ARID1B: variants seen among roughly 807,000 people sequenced by gnomAD.
The protein encoded by ARID1B is AT-rich interaction domain 1B.
A neutral mutation model predicts 212.3 loss-of-function variants in ARID1B; 30 were observed. The ratio of observed to expected loss-of-function variants is 0.14; its 90% confidence interval spans 0.11 to 0.19. ARID1B has a LOEUF of 0.19. Ranked by LOEUF, ARID1B falls within the 10% of genes least tolerant of loss-of-function variation. The pLI is 1.00. For synonymous variants in ARID1B, 1,402 were observed against 1,301.7 expected (o/e 1.08, Z -1.66); for missense variants, 2,891 against 3,204.0 (o/e 0.90, Z 2.36).
chr6:157,028,263 A>G (rs760536297), intron 4 of ARID1B, among the ~76,000 whole-genome samples: 9 of 152,206 alleles, frequency 5.9e-5, no homozygotes, highest in Non-Finnish European at 1.2e-4. Context: ...CACTGCCTGG[A>G]CACCCATCAT....
chr6:156,939,476 G>C (rs2128282864), intron 4 of ARID1B: 1 of 152,150 alleles, frequency 6.6e-6, no homozygotes, highest in South Asian at 2.1e-4. Flanking sequence ...TTCACTAGAA[G>C]CTTTTCATGG....
chr6:156,982,836 A>G (rs929879498), intron 4 of ARID1B, among the ~76,000 whole-genome samples: 1 of 152,044 alleles, frequency 6.6e-6, no homozygotes, highest in Non-Finnish European at 1.5e-5. Context: ...TCCTTGCATT[A>G]TCTGTTTCTT....
At chr6:156,950,346 A>G (rs1793490304) in intron 4 of ARID1B, among the ~76,000 whole-genome samples, 1 of 152,260 alleles carries the variant, frequency 6.6e-6, no homozygotes, top group African/African-American at 2.4e-5. Flanking sequence ...GAAGGATAAC[A>G]CAGGTCTTTA....
At chr6:157,195,010 A>G (rs1168080630) in intron 15 of ARID1B, 1 of 152,214 alleles carries the variant, frequency 6.6e-6, no homozygotes, top group Non-Finnish European at 1.5e-5. Context: ...TCTCTCTAAA[A>G]AACATAATAA....
chr6:156,854,955 A>C (rs1784815694), intron 2 of ARID1B, among the ~76,000 whole-genome samples: 1 of 152,244 alleles, frequency 6.6e-6, no homozygotes, highest in African/African-American at 2.4e-5. Flanking sequence ...CCAGTCAATT[A>C]CTAGGCAGTT....
intron 4 of ARID1B, chr6:156,943,239 G>T (rs752864173): frequency 6.6e-6 from 1 of 152,126 alleles, no homozygotes; most frequent in Non-Finnish European, 1.5e-5. Flanking sequence ...AATTGTTACT[G>T]TGTGAAAGAA....
chr6:156,895,987 T>A (rs529086547), intron 2 of ARID1B, among the ~76,000 whole-genome samples: 1 of 152,264 alleles, frequency 6.6e-6, no homozygotes, highest in Non-Finnish European at 1.5e-5. Flanking sequence ...AACTTTTTGT[T>A]GCTTTCTTTT....
intron 6 of ARID1B, among the ~76,000 whole-genome samples, chr6:157,129,091 T>C (rs575944245): frequency 6.6e-6 from 1 of 152,250 alleles, no homozygotes; most frequent in Non-Finnish European, 1.5e-5. Context: ...TGAAAAGATA[T>C]TTTTGGGAGT....
intron 3 of ARID1B, among the ~76,000 whole-genome samples, chr6:156,933,886 A>G (rs1329846395): frequency 6.6e-6 from 1 of 152,172 alleles, no homozygotes; most frequent in Non-Finnish European, 1.5e-5. Flanking sequence ...TCGCACCAAC[A>G]CTAGGCTGGT....
intron 3 of ARID1B, among the ~76,000 whole-genome samples, chr6:156,918,934 C>T (rs1790571269): frequency 6.6e-6 from 1 of 151,972 alleles, no homozygotes; most frequent in African/African-American, 2.4e-5. Context: ...GCTCAGCACT[C>T]GTTTTGAATA....
intron 4 of ARID1B, chr6:156,943,534 A>G (rs1034138039): frequency 2.0e-5 from 3 of 151,706 alleles, no homozygotes; most frequent in African/African-American, 7.3e-5. Flanking sequence ...CAGGACCGAA[A>G]TTGTACCCAA....
In ARID1B at chr6:157,054,210, C is replaced by A. The variant is rs148169829; in HGVS notation, c.2248-30452C>A. The stretch of plus-strand genomic sequence containing the variant: ...TTGCACTCCAGCCTGGGCCACAGAG[C>A]AAGACTCTGTCTCAAAAAAAAGAAG... On this transcript the variant is annotated intron_variant, in intron 4 of 19. Coordinates refer to ENST00000636930, the MANE Select transcript of ARID1B (RefSeq NM_001374828.1). 0.016 allele frequency among the ~76,000 whole-genome samples: 1,434 copies of A among 91,052 alleles called. 89 individuals carry two copies. The East Asian group carries it at 0.19, about 12-fold the overall frequency. The allele number at this position is 91,052 out of a possible 152,430, so 59.7% of individuals were successfully genotyped here.
intron 5 of ARID1B, among the ~76,000 whole-genome samples, chr6:157,090,027 G>A (rs2128473160): frequency 6.6e-6 from 1 of 152,332 alleles, no homozygotes; most frequent in Non-Finnish European, 1.5e-5. Context: ...AGCTGACTCA[G>A]CACGGCATCT....
chr6:156,780,188 C>G (rs977413128), intron 1 of ARID1B: 2 of 152,186 alleles, frequency 1.3e-5, no homozygotes, highest in Non-Finnish European at 2.9e-5. Context: ...ATTGGGCTTA[C>G]GGGCTGCTTG....
intron 5 of ARID1B, among the ~76,000 whole-genome samples, chr6:157,085,353 A>T (rs1784899737): frequency 6.6e-6 from 1 of 152,174 alleles, no homozygotes; most frequent in Admixed American, 6.5e-5. Context: ...GTGTCTGATC[A>T]CATGCAGGCA....
rs369809982 is a variant in ARID1B at position 156,955,632 on chromosome 6, T to TGAA, written c.2247+20057_2247+20058insAAG. On this transcript the variant is annotated intron_variant, in intron 4 of 19. Coordinates refer to ENST00000636930, the MANE Select transcript of ARID1B (RefSeq NM_001374828.1). This position sits in a 1 kb window ranked among gnomAD's most constrained non-coding sequence, Gnocchi z 4.2. ...ATCTACCTTTTAAGCTAGTTCACCT[T>TGAA]GCCACCTGAGTGATACGCCTCAGCT... Among the ~76,000 whole-genome samples, 1 of 152,324 alleles carries TGAA rather than the reference T, an allele frequency of 6.6e-6. No homozygotes were observed. The highest frequency in any genetic ancestry group is 1.9e-4 in the East Asian group (1 of 5,184).
chr6:156,874,737 T>A (rs1786409413), intron 2 of ARID1B, among the ~76,000 whole-genome samples: 1 of 152,210 alleles, frequency 6.6e-6, no homozygotes, highest in South Asian at 2.1e-4. Flanking sequence ...AGTCCTGATC[T>A]CTTTCCCTGT....
At chr6:157,067,983 CTT>C (rs766297667) in intron 4 of ARID1B, among the ~76,000 whole-genome samples, 1 of 152,212 alleles carries the variant, frequency 6.6e-6, no homozygotes, top group Non-Finnish European at 1.5e-5. Context: ...GAACTCCTAA[CTT>C]TATAAAATAA....
intron 1 of ARID1B, among the ~76,000 whole-genome samples, chr6:156,813,180 T>G (rs1377395256): frequency 6.6e-6 from 1 of 150,822 alleles, no homozygotes; most frequent in Non-Finnish European, 1.5e-5. Flanking sequence ...CTTGGCTCAC[T>G]GCAACCTCTG....
Sources: allele counts gnomAD v4.1 joint callset (sites outside exome capture counted in the v4.1 genomes callset), GRCh38; gene constraint gnomAD v4.1.1; non-coding constraint Gnocchi (gnomAD v3.1); transcripts MANE v1.5; gene names NCBI Gene and HGNC (gene_info 2026-07-23, HGNC 2026-07-21).